ERCC2: variants seen among roughly 807,000 people sequenced by gnomAD.
ERCC2 encodes the protein general transcription and DNA repair factor IIH helicase subunit XPD.
Under a neutral mutation model 99.4 loss-of-function variants are expected in ERCC2, and 90 were observed. The ratio of observed to expected loss-of-function variants is 0.91; its 90% CI spans 0.76 to 1.08. The LOEUF (loss-of-function observed/expected upper bound fraction) is 1.08, where lower values mean the gene tolerates loss of function less well. Among genes scored for constraint, ERCC2 ranks in the 50% least tolerant of loss-of-function variants. The pLI, the probability that ERCC2 is intolerant of heterozygous loss-of-function variation, is 0.00. For missense variants in ERCC2, 993 were observed against 1,038.1 expected, an observed-to-expected ratio of 0.96 and a Z score of 0.60; for synonymous variants, 497 against 432.4, an observed-to-expected ratio of 1.15 and a Z score of -1.85.
chr19:45,357,158 G>T (rs1472875338), intron 15 of ERCC2, 112 bp downstream of exon 15: 2 of 749,626 alleles, frequency 2.7e-6, no homozygotes, highest in Non-Finnish European at 4.6e-6. Context: ...CCCGAACCCA[G>T]CCTCTTCGCT....
intron 2 of ERCC2, among the ~76,000 whole-genome samples, chr19:45,369,359 T>C (rs898469213): frequency 2.2e-4 from 34 of 152,056 alleles, no homozygotes; most frequent in Admixed American, 6.6e-5. Context: ...CAGACCTCAG[T>C]ATCCCTATCT....
At chr19:45,354,412 C>A (rs1280035087) in intron 17 of ERCC2, among the ~76,000 whole-genome samples, 1 of 152,240 alleles carries the variant, frequency 6.6e-6, no homozygotes, top group African/African-American at 2.4e-5. Flanking sequence ...GCCATCTGTG[C>A]TGGAGGATAA....
chr19:45,358,124 C>T (rs907513633), intron 12 of ERCC2: 3 of 278,622 alleles, frequency 1.1e-5, no homozygotes, highest in Admixed American at 9.4e-5. Flanking sequence ...CGGCTCACTG[C>T]AAGCTCAGCC....
chr19:45,352,260 A>C lies in ERCC2; in HGVS notation c.2139T>G (p.Gly713=), dbSNP rs772055555. 4.0e-5 allele frequency: 64 copies of C among 1,613,732 alleles called. No homozygotes were observed. In the East Asian group the frequency reaches 1.4e-3, roughly 34 times the overall value. ...GCAGGAAGTACTTGGCCACCTGGAC[A>C]CCCTCGTCCACGGTCAGGTTGAGGT... ...DANLNLTVDE[G]VQVAKYFLRQ... The change falls in exon 22 of 23, where the codon GGT becomes GGG. Residue 713 remains glycine (G), a synonymous_variant. Coordinates refer to ENST00000391945, the MANE Select transcript of ERCC2 (RefSeq NM_000400.4).
chr19:45,360,593 G>T (rs1599738114), intron 12 of ERCC2, among the ~76,000 whole-genome samples: 1 of 151,610 alleles, frequency 6.6e-6, no homozygotes, highest in Non-Finnish European at 1.5e-5. Flanking sequence ...GGTCAGGCTG[G>T]TCTCAAACTC....
In ERCC2 at chr19:45,351,177, G is replaced by C. The variant is rs1971748995; in HGVS notation, c.*452C>G. On this transcript the variant is annotated 3_prime_UTR_variant, in exon 23 of 23. Coordinates refer to ENST00000391945, the MANE Select transcript of ERCC2 (RefSeq NM_000400.4). ...GCAAAGATGGGTTTTACTTGGGGTA[G>C]AGGCGAGGGGGTTGGATAGTTGGCT... 6.3e-7 allele frequency: 1 copy of C among 1,585,420 alleles called. No individual in the cohort carries two copies. Among genetic ancestry groups the C allele is most frequent in the Non-Finnish European group, 8.6e-7 (1 of 1,165,452 alleles).
intron 5 of ERCC2, among the ~76,000 whole-genome samples, chr19:45,365,847 A>G (rs781218000): frequency 1.0e-3 from 154 of 152,080 alleles, no homozygotes; most frequent in African/African-American, 3.1e-3. Flanking sequence ...TTATACATAC[A>G]TATTTTTGGA....
Position 45,365,167 on chromosome 19 carries a change from G to A in ERCC2, c.361-9C>T, listed in dbSNP as rs1367319305. On this transcript the variant is annotated splice_polypyrimidine_tract_variant and intron_variant, in intron 5 of 22. Transcript: ENST00000391945. ...AAGCGCAGGGGTGTCACCTGGGGGTGTGGGGCATCTTAGCACCCAGACAGG... is the reference window on the plus strand; with the variant it reads ...AAGCGCAGGGGTGTCACCTGGGGGTATGGGGCATCTTAGCACCCAGACAGG... 10 of 1,609,564 alleles carry A rather than the reference G, an allele frequency of 6.2e-6. No homozygotes were observed. The highest frequency in any genetic ancestry group is 6.8e-6 in the Non-Finnish European group (8 of 1,175,828).
chr19:45,359,111 G>A (rs1208453055), intron 12 of ERCC2, among the ~76,000 whole-genome samples: 1 of 152,160 alleles, frequency 6.6e-6, no homozygotes, highest in South Asian at 2.1e-4. Flanking sequence ...TGGGACAGAG[G>A]TGCCCAGAGG....
chr19:45,359,870 G>A (rs1300009774), intron 12 of ERCC2, among the ~76,000 whole-genome samples: 2 of 151,752 alleles, frequency 1.3e-5, no homozygotes, highest in Non-Finnish European at 2.9e-5. Flanking sequence ...CGCCTCCCGG[G>A]TTCAAGCAAT....
intron 1 of ERCC2, 101 bp from the exon 2 acceptor site, chr19:45,370,333 G>A: frequency 1.3e-6 from 2 of 1,545,578 alleles, no homozygotes; most frequent in South Asian, 1.2e-5. Flanking sequence ...CGGGCCCGGC[G>A]CCCCCGGTAA....
In ERCC2 at chr19:45,351,673, C is replaced by T. The variant is rs759644831; in HGVS notation, c.2239G>A (p.Glu747Lys). 6.2e-7 allele frequency: 1 copy of T among 1,614,038 alleles called. No individual in the cohort carries two copies. Among genetic ancestry groups the T allele is most frequent in the African/African-American group, 1.3e-5 (1 of 75,050 alleles). ...SLLSLEQLES[E>K]ETLKRIEQIA... ...TGCTCTATCCTCTTCAGCGTCTCCT[C>T]TGATTCTAGCTGCTCCAGGCTGAGC... Residue 747 changes from glutamate to lysine, a missense_variant, in exon 23 of 23, where the codon GAG (glutamate) becomes AAG (lysine). Physicochemically the swap from Glu to Lys is moderately conservative, Grantham distance 56. Coordinates refer to ENST00000391945, the MANE Select transcript of ERCC2 (RefSeq NM_000400.4).
In ERCC2 at chr19:45,365,117, G is replaced by C. The variant is rs767543274; in HGVS notation, c.402C>G (p.Cys134Trp). ...GCACATAGGAGGCTGTGAGGCTGTG[G>C]CATTTCCCATCGACGTCCTTCCCAA... The part of the protein sequence containing the change: ...LRFGKDVDGK[C>W]HSLTASYVRA... Residue 134 changes from cysteine to tryptophan, a missense_variant, in exon 6 of 23, where the codon TGC (cysteine) becomes TGG (tryptophan). Physicochemically the swap from Cys to Trp is radical, Grantham distance 215 (BLOSUM62 -2). Coordinates refer to ENST00000391945, the MANE Select transcript of ERCC2 (RefSeq NM_000400.4). 7 of 1,614,164 alleles carry C rather than the reference G, an allele frequency of 4.3e-6. No homozygotes were observed. Among genetic ancestry groups the C allele is most frequent in the Non-Finnish European group, 3.4e-6 (4 of 1,180,010 alleles).
At chr19:45,360,108 CT>C (rs1407609034) in intron 12 of ERCC2, among the ~76,000 whole-genome samples, 7 of 148,124 alleles carry the variant, frequency 4.7e-5, no homozygotes, top group African/African-American at 1.5e-4. Flanking sequence ...GAGACGGAGT[CT>C]TCGCTCTGTC....
At chr19:45,361,427 A>G (rs1972214309) in intron 12 of ERCC2, 97 bp downstream of exon 12, 2 of 886,644 alleles carry the variant, frequency 2.3e-6, no homozygotes, top group Admixed American at 3.4e-5. Context: ...AAACCCCACA[A>G]AGCCCTGTGT....
rs1318273901 is a variant in ERCC2, at chr19:45,370,235, G to A, written c.6-3C>T. The A allele has an allele frequency of 1.2e-6, 2 of 1,613,022 alleles. No individual in the cohort carries two copies. Among genetic ancestry groups the A allele is most frequent in the African/African-American group, 2.7e-5 (2 of 74,914 alleles). On this transcript the variant is annotated splice_polypyrimidine_tract_variant and splice_region_variant and intron_variant, in intron 1 of 22. Transcript: ENST00000391945. ...CCAGGAGCCCGTCCACGTTGAGCCTGGCGGCAGGGGCTGCTGGGTCAGTTC... is the reference window on the plus strand; with the variant it reads ...CCAGGAGCCCGTCCACGTTGAGCCTAGCGGCAGGGGCTGCTGGGTCAGTTC...
Position 45,364,919 on chromosome 19 carries a change from G to A in ERCC2, c.513C>T (p.Pro171=), listed in dbSNP as rs764710141. Residue 171 remains proline (P), a synonymous_variant, in exon 7 of 23, where the codon CCC becomes CCT. Coordinates refer to ENST00000391945, the MANE Select transcript of ERCC2 (RefSeq NM_000400.4). ...GGTCATCCAGGTTGTAGATGCCAGC[G>A]GGGAGGGGCACCTCACGCCCATGGG... ...FDAHGREVPL[P]AGIYNLDDLK... is the part of the protein sequence containing the mutation. 9.9e-6 allele frequency: 16 copies of A among 1,613,992 alleles called. No individual in the cohort carries two copies. The highest frequency in any genetic ancestry group is 3.3e-5 in the Admixed American group (2 of 60,006).
chr19:45,351,512 G>A lies in ERCC2; in HGVS notation c.*117C>T, dbSNP rs1971776477. On this transcript the variant is annotated 3_prime_UTR_variant, in exon 23 of 23. Transcript: ENST00000391945. ...TCCTGCGATTAAAGGCTGTGGACGT[G>A]ACAGTGAGAAATGTCACCTGACTTC... 2 of 1,599,508 alleles carry A rather than the reference G, an allele frequency of 1.3e-6. No homozygotes were observed. The highest frequency in any genetic ancestry group is 8.5e-7 in the Non-Finnish European group (1 of 1,177,744).
rs1476160722 is a variant in ERCC2, at chr19:45,352,207, AC to A, written c.2190+1del. The A allele has an allele frequency of 2.5e-5, 40 of 1,613,432 alleles. No homozygotes were observed. The highest frequency in any genetic ancestry group is 3.3e-5 in the Non-Finnish European group (39 of 1,179,912). On this transcript the variant is annotated splice_donor_variant, in intron 22 of 22. Coordinates refer to ENST00000391945, the MANE Select transcript of ERCC2 (RefSeq NM_000400.4). LOFTEE classifies it high-confidence loss of function. Reference sequence around the variant, plus strand: ...GTGCCGGGAGGGGGACGCAGGCCTCACCCGGTGGAAGGGCTGTGCCATCTGC... The same window carrying A: ...GTGCCGGGAGGGGGACGCAGGCCTCACCGGTGGAAGGGCTGTGCCATCTGC...
Sources: gnomAD v4.1 joint callset for allele counts (sites outside exome capture counted in the v4.1 genomes callset) on GRCh38, gnomAD v4.1.1 for gene constraint, MANE v1.5 for transcripts, NCBI Gene and HGNC (gene_info 2026-07-23, HGNC 2026-07-21) for gene names.